MAGI2: variants seen among roughly 807,000 people sequenced by gnomAD.
MAGI2 encodes membrane-associated guanylate kinase, WW and PDZ domain-containing protein 2.
MAGI2 carries 35 observed loss-of-function variants against 133.3 expected under a neutral mutation model. The observed-to-expected ratio is 0.26, with a 90% CI of 0.20 to 0.35. The LOEUF (loss-of-function observed/expected upper bound fraction) is 0.35. Among genes scored for constraint, MAGI2 ranks in the 10% least tolerant of loss-of-function variants. The probability of loss-of-function intolerance (pLI) is 1.00; values close to 1 mark genes in which losing one functional copy is unlikely to be tolerated. For missense variants in MAGI2, 1,636 were observed against 1,863.4 expected (o/e 0.88, Z 2.25); for synonymous variants, 729 against 710.6 (o/e 1.03, Z -0.41).
intron 3 of MAGI2, among the ~76,000 whole-genome samples, chr7:78,573,213 T>C (rs1351578214): frequency 3.8e-5 from 3 of 78,178 alleles, no homozygotes; most frequent in Non-Finnish European, 6.6e-5. Flanking sequence ...TAAATATATA[T>C]ATAAATATAT....
intron 6 of MAGI2, among the ~76,000 whole-genome samples, chr7:78,384,525 T>C (rs1795207184): frequency 6.6e-6 from 1 of 152,328 alleles, no homozygotes; most frequent in East Asian, 1.9e-4. Flanking sequence ...TTCATCACAA[T>C]TGATTTAAAT....
intron 6 of MAGI2, among the ~76,000 whole-genome samples, chr7:78,481,167 C>T (rs1185357515): frequency 6.6e-6 from 1 of 151,874 alleles, no homozygotes; most frequent in Non-Finnish European, 1.5e-5. Flanking sequence ...TCTCACACTG[C>T]TATAACAACT....
intron 1 of MAGI2, among the ~76,000 whole-genome samples, chr7:79,304,494 T>C (rs117748886): frequency 0.016 from 2,439 of 152,212 alleles, 24 homozygotes; most frequent in South Asian, 0.028. Context: ...TTTGGCTATA[T>C]TCTTGGAAAA....
chr7:79,422,404 A>T (rs1386722892), intron 1 of MAGI2, among the ~76,000 whole-genome samples: 1 of 152,008 alleles, frequency 6.6e-6, no homozygotes, highest in Admixed American at 6.6e-5. Flanking sequence ...TTAGCTACAG[A>T]ATACTTTATA....
intron 2 of MAGI2, among the ~76,000 whole-genome samples, chr7:78,760,364 T>C (rs1450900158): frequency 1.2e-4 from 17 of 145,772 alleles, no homozygotes; most frequent in Admixed American, 2.7e-4. Context: ...ATTCTCTCTT[T>C]TTTTTTTTTT....
intron 10 of MAGI2, among the ~76,000 whole-genome samples, chr7:78,208,089 C>T (rs182372558): frequency 1.0e-4 from 15 of 146,488 alleles, no homozygotes; most frequent in African/African-American, 3.8e-4. Flanking sequence ...AGGCTGGTCT[C>T]GAACTCCTGA....
intron 1 of MAGI2, among the ~76,000 whole-genome samples, chr7:79,379,130 G>A (rs4562253): frequency 0.15 from 20,864 of 141,068 alleles, 1,663 homozygotes; most frequent in South Asian, 0.26. Flanking sequence ...CCCCACAATA[G>A]GCCCAGGTGT....
At chr7:78,398,970 G>T (rs1371622321) in intron 6 of MAGI2, among the ~76,000 whole-genome samples, 1 of 151,448 alleles carries the variant, frequency 6.6e-6, no homozygotes, top group Non-Finnish European at 1.5e-5. Flanking sequence ...TCTCATCTTT[G>T]TAAATCTTTT....
intron 2 of MAGI2, among the ~76,000 whole-genome samples, chr7:78,669,403 A>C (rs1200001743): frequency 6.6e-6 from 1 of 152,150 alleles, no homozygotes; most frequent in Non-Finnish European, 1.5e-5. Context: ...GACCAATAAC[A>C]GGCTCTGAAA....
chr7:79,282,431 G>A (rs184537119), intron 1 of MAGI2, among the ~76,000 whole-genome samples: 62 of 152,256 alleles, frequency 4.1e-4, no homozygotes, highest in African/African-American at 1.3e-3. Flanking sequence ...GAGAAGAAAC[G>A]AAGCTGATTT....
intron 2 of MAGI2, among the ~76,000 whole-genome samples, chr7:78,729,068 A>G (rs1201727443): frequency 1.3e-5 from 2 of 152,172 alleles, no homozygotes; most frequent in Non-Finnish European, 2.9e-5. Flanking sequence ...GTATTAGGCT[A>G]TATCTATGAT....
At chr7:78,630,710 C>T (rs527258357) in intron 2 of MAGI2, among the ~76,000 whole-genome samples, 32 of 152,130 alleles carry the variant, frequency 2.1e-4, no homozygotes, top group Non-Finnish European at 3.7e-4. Context: ...CCACTGCGCC[C>T]GGCTGTGTGT....
chr7:78,877,208 T>G (rs916662200), intron 2 of MAGI2, among the ~76,000 whole-genome samples: 1 of 152,240 alleles, frequency 6.6e-6, no homozygotes, highest in Non-Finnish European at 1.5e-5. Flanking sequence ...TCTGGTTTCT[T>G]CATTGCTCCA....
chr7:78,633,312 C>G (rs995254806), intron 2 of MAGI2, among the ~76,000 whole-genome samples: 6 of 152,074 alleles, frequency 3.9e-5, no homozygotes, highest in African/African-American at 9.7e-5. Context: ...GGCTTAGTAC[C>G]TGGGTGAGGA....
intron 1 of MAGI2, among the ~76,000 whole-genome samples, chr7:79,146,333 G>A (rs1201232355): frequency 6.6e-6 from 1 of 152,136 alleles, no homozygotes; most frequent in East Asian, 1.9e-4. Context: ...CTGTTCTCAC[G>A]AGTTCATGTG....
At chr7:78,461,494 GCTTTAAT>G (rs1377396012) in intron 6 of MAGI2, among the ~76,000 whole-genome samples, 2 of 150,510 alleles carry the variant, frequency 1.3e-5, no homozygotes, top group Admixed American at 6.7e-5. Flanking sequence ...ATTTTGTATA[GCTTTAAT>G]CTTTAACCAG....
At chr7:79,312,696 G>C (rs1838381691) in intron 1 of MAGI2, among the ~76,000 whole-genome samples, 1 of 152,154 alleles carries the variant, frequency 6.6e-6, no homozygotes, top group Admixed American at 6.5e-5. Context: ...CTCCAGAGAA[G>C]TGCTTGGCAC....
chr7:79,387,397 T>G (rs1844267741), intron 1 of MAGI2, among the ~76,000 whole-genome samples: 1 of 152,100 alleles, frequency 6.6e-6, no homozygotes, highest in South Asian at 2.1e-4. Flanking sequence ...CTATCATATC[T>G]CTGTATTGCA....
At chr7:78,044,707 A>ATGTGTGTGTGTGTG (rs56731310) in intron 21 of MAGI2, among the ~76,000 whole-genome samples, 1 of 131,114 alleles carries the variant, frequency 7.6e-6, no homozygotes, top group Admixed American at 7.5e-5. Flanking sequence ...GTGTGTGTGC[A>ATGTGTGTGTGTGTG]CGTGTGCACA....
Sources: allele counts gnomAD v4.1 joint callset (sites outside exome capture counted in the v4.1 genomes callset), GRCh38; gene constraint gnomAD v4.1.1; transcripts MANE v1.5; gene names NCBI Gene and HGNC (gene_info 2026-07-23, HGNC 2026-07-21).